The following UNC5C variants were observed in gnomAD, a reference collection of about 807,000 sequenced individuals.
UNC5C encodes unc-5 netrin receptor C.
A neutral mutation model predicts 99.8 loss-of-function variants in UNC5C; 47 were observed. The ratio of observed to expected loss-of-function variants is 0.47; its 90% CI spans 0.37 to 0.60. The LOEUF is 0.60. Among genes scored for constraint, UNC5C ranks in the 20% least tolerant of loss-of-function variants. UNC5C has a pLI of 0.00. For missense variants in UNC5C, 1,062 were observed against 1,165.9 expected (o/e 0.91, Z 1.30); for synonymous variants, 487 against 452.2 (o/e 1.08, Z -0.98).
chr4:95,504,794 A>G (rs1721871417), intron 1 of UNC5C, among the ~76,000 whole-genome samples: 1 of 152,086 alleles, frequency 6.6e-6, no homozygotes, highest in Non-Finnish European at 1.5e-5. Flanking sequence ...ATGTGTGCAT[A>G]CCCTCATTAA....
At chr4:95,292,220 C>T (rs1408213087) in intron 3 of UNC5C, among the ~76,000 whole-genome samples, 18 of 91,784 alleles carry the variant, frequency 2.0e-4, no homozygotes, top group Non-Finnish European at 2.5e-4. Context: ...TATATATACA[C>T]ACACACACAC....
chr4:95,363,019 A>AC (rs1744443499), intron 1 of UNC5C, among the ~76,000 whole-genome samples: 1 of 151,982 alleles, frequency 6.6e-6, no homozygotes, highest in South Asian at 2.1e-4. Flanking sequence ...TGTAAACATC[A>AC]CCCCCTGGAG....
intron 6 of UNC5C, 45 bp downstream of exon 6, chr4:95,244,932 T>G: frequency 4.4e-6 from 7 of 1,607,524 alleles, no homozygotes; most frequent in African/African-American, 1.3e-5. Flanking sequence ...AGCATGTTTC[T>G]TGAATAATAG....
At chr4:95,303,794 T>C (rs1741962747) in intron 2 of UNC5C, among the ~76,000 whole-genome samples, 2 of 152,182 alleles carry the variant, frequency 1.3e-5, no homozygotes, top group South Asian at 4.1e-4. Context: ...TAGATATGTG[T>C]GTATGTGTAT....
intron 14 of UNC5C, among the ~76,000 whole-genome samples, chr4:95,171,279 ATG>A (rs1476380807): frequency 6.6e-6 from 1 of 151,700 alleles, no homozygotes; most frequent in Non-Finnish European, 1.5e-5. Context: ...CATGTGCACA[ATG>A]TGCAGGTTAG....
At chr4:95,427,626 A>G (rs1463728957) in intron 1 of UNC5C, among the ~76,000 whole-genome samples, 1 of 152,212 alleles carries the variant, frequency 6.6e-6, no homozygotes, top group Non-Finnish European at 1.5e-5. Flanking sequence ...TTTTTAAAAA[A>G]TTAAGGTATG....
chr4:95,192,195 C>T (rs1321292538), intron 12 of UNC5C, among the ~76,000 whole-genome samples: 2 of 141,796 alleles, frequency 1.4e-5, no homozygotes, highest in East Asian at 2.3e-4. Context: ...TTTCTCATAT[C>T]CTCCTCTACT....
intron 11 of UNC5C, among the ~76,000 whole-genome samples, chr4:95,203,636 A>AT (rs1050798864): frequency 5.3e-5 from 8 of 151,538 alleles, no homozygotes; most frequent in African/African-American, 7.3e-5. Context: ...CACCTGGCTA[A>AT]TTTTTTTTGA....
At chr4:95,270,848 T>G (rs547725938) in intron 4 of UNC5C, among the ~76,000 whole-genome samples, 7 of 152,364 alleles carry the variant, frequency 4.6e-5, no homozygotes, top group African/African-American at 1.7e-4. Flanking sequence ...TTGACTAATC[T>G]GTAGCTAGTT....
intron 3 of UNC5C, among the ~76,000 whole-genome samples, chr4:95,287,664 G>A (rs1386395791): frequency 6.6e-6 from 1 of 152,170 alleles, no homozygotes; most frequent in Admixed American, 6.5e-5. Context: ...CAGGACTCTG[G>A]GAGGCCACAG....
At chr4:95,443,407 G>T (rs1747007408) in intron 1 of UNC5C, among the ~76,000 whole-genome samples, 1 of 152,146 alleles carries the variant, frequency 6.6e-6, no homozygotes, top group South Asian at 2.1e-4. Context: ...GTATTAGTAT[G>T]TTAAATACTA....
chr4:95,187,014 T>TGTGG (rs1736859605), intron 12 of UNC5C, among the ~76,000 whole-genome samples: 1 of 151,954 alleles, frequency 6.6e-6, no homozygotes. Flanking sequence ...ACGACAAGAA[T>TGTGG]AGAGCCATGT....
intron 1 of UNC5C, among the ~76,000 whole-genome samples, chr4:95,353,996 A>G (rs1744079640): frequency 6.6e-6 from 1 of 152,140 alleles, no homozygotes; most frequent in South Asian, 2.1e-4. Context: ...AAAACCTTCA[A>G]AATCAAAGGA....
intron 1 of UNC5C, among the ~76,000 whole-genome samples, chr4:95,546,114 C>A (rs1349738227): frequency 1.3e-5 from 2 of 152,170 alleles, no homozygotes; most frequent in African/African-American, 4.8e-5. Context: ...AGAATAAAAA[C>A]CTCATCCACA....
chr4:95,326,885 A>G (rs1742903470), intron 2 of UNC5C, among the ~76,000 whole-genome samples: 1 of 152,142 alleles, frequency 6.6e-6, no homozygotes, highest in African/African-American at 2.4e-5. Flanking sequence ...AATGTAGTCA[A>G]TTTTTCTTAG....
Position 95,169,121 on chromosome 4 carries a change from T to G in UNC5C, c.*113A>C. ...TTCCTTCTGGCTCCTGCTGCAGTCT[T>G]GCCTGTGAAGTGCATTGGTCTCATC... On this transcript the variant is annotated 3_prime_UTR_variant, in exon 16 of 16. Transcript: ENST00000453304. 1 of 1,359,294 alleles carries G rather than the reference T, an allele frequency of 7.4e-7. No homozygotes were observed. Among genetic ancestry groups the G allele is most frequent in the Non-Finnish European group, 1.0e-6 (1 of 981,326 alleles). 84.2% of individuals were successfully genotyped at this position (1,359,294 alleles called of 1,614,324 possible).
intron 4 of UNC5C, among the ~76,000 whole-genome samples, chr4:95,277,919 C>A (rs1740919307): frequency 6.6e-6 from 1 of 152,174 alleles, no homozygotes; most frequent in African/African-American, 2.4e-5. Flanking sequence ...TTTCGCATAT[C>A]AGCAAGAACA....
chr4:95,204,441 G>A (rs1452348223), intron 11 of UNC5C, among the ~76,000 whole-genome samples: 19 of 152,228 alleles, frequency 1.2e-4, no homozygotes, highest in Non-Finnish European at 7.3e-5. Context: ...GCGAACCAGA[G>A]TGCATGCCTG....
chr4:95,188,044 A>G (rs1382700170), intron 12 of UNC5C, among the ~76,000 whole-genome samples: 1 of 152,216 alleles, frequency 6.6e-6, no homozygotes, highest in Non-Finnish European at 1.5e-5. Flanking sequence ...GCATTATAAA[A>G]TATACATAAA....
Sources: allele counts gnomAD v4.1 joint callset (sites outside exome capture counted in the v4.1 genomes callset), GRCh38; gene constraint gnomAD v4.1.1; transcripts MANE v1.5; gene names NCBI Gene and HGNC (gene_info 2026-07-23, HGNC 2026-07-21).